PKD1: variants seen among roughly 807,000 people sequenced by gnomAD.
The protein encoded by PKD1 is polycystin 1, transient receptor potential channel interacting.
In PKD1, 81 loss-of-function variants were observed where a neutral mutation model predicts 361.7. The ratio of observed to expected loss-of-function variants is 0.22; its 90% CI spans 0.19 to 0.27. The LOEUF is 0.27. Ranked by LOEUF, PKD1 falls within the 10% of genes least tolerant of loss-of-function variation. The pLI is 1.00. For missense variants in PKD1, 6,399 were observed against 6,118.3 expected, an observed-to-expected ratio of 1.05 and a Z score of -1.53; for synonymous variants, 3,615 against 2,818.3, an observed-to-expected ratio of 1.28 and a Z score of -8.95.
intron 1 of PKD1, among the ~76,000 whole-genome samples, chr16:2,133,818 T>C (rs2575306): frequency 7.3e-5 from 11 of 151,640 alleles, no homozygotes; most frequent in African/African-American, 9.7e-5. Context: ...GGCCACCAAC[T>C]CCCAGGGTCC....
At chr16:2,093,401 G>C (rs2091691792) in intron 37 of PKD1, 143 bp downstream of exon 37, 1 of 833,446 alleles carries the variant, frequency 1.2e-6, no homozygotes, top group Non-Finnish European at 1.9e-6. Context: ...GTAGGAGGGA[G>C]ACCGGGCAAA....
chr16:2,130,158 GT>G (rs887744456), intron 1 of PKD1, among the ~76,000 whole-genome samples: 24 of 152,236 alleles, frequency 1.6e-4, no homozygotes, highest in African/African-American at 5.5e-4. Context: ...ACGCAGGCAC[GT>G]TCTGAACGCC....
rs1412987713 is a variant in PKD1 at position 2,114,185 on chromosome 16, C to T, written c.2838G>A (p.Leu946=). Residue 946 remains leucine (L), a synonymous_variant, in exon 11 of 46, where the codon CTG becomes CTA. Transcript: ENST00000262304. ...RATPSPEARV[L]QGVLVRYSPV... ...CCATACTCACCACTAGGACTCCCTG[C>T]AGTACACGGGCCTCGGGGCTGGGCG... 6 of 1,607,126 alleles carry T rather than the reference C, an allele frequency of 3.7e-6. No individual in the cohort carries two copies. In the African/African-American group the frequency reaches 6.7e-5, roughly 18 times the overall value.
Position 2,089,424 on chromosome 16 carries a change from T to TG in PKD1, c.*302dup, listed in dbSNP as rs1314572263. On this transcript the variant is annotated 3_prime_UTR_variant, in exon 46 of 46. Transcript: ENST00000262304. ...CAGTGGGGGACATCTGCCCAGGGGGTGGGGCCGGGCACAGCCCGCTGTACC... is the reference window on the plus strand; with the variant it reads ...CAGTGGGGGACATCTGCCCAGGGGGTGGGGGCCGGGCACAGCCCGCTGTACC... 2.1e-6 allele frequency: 1 copy of TG among 467,208 alleles called. No homozygotes were observed. The highest frequency in any genetic ancestry group is 3.9e-6 in the Non-Finnish European group (1 of 257,534). 28.9% of individuals were successfully genotyped at this position (467,208 alleles called of 1,614,324 possible).
At position 2,102,964 on chromosome 16, in the gene PKD1, T is replaced by C. The variant is rs1419162559; in HGVS notation, c.8798A>G (p.Tyr2933Cys). 4 of 1,604,744 alleles carry C rather than the reference T, an allele frequency of 2.5e-6. No individual in the cohort carries two copies. Among genetic ancestry groups the C allele is most frequent in the Non-Finnish European group, 3.4e-6 (4 of 1,179,698 alleles). ...QLNYTLLDGH[Y>C]LSEEPEPYLA... Reference sequence around the variant, plus strand: ...GTAGGGCTCAGGTTCCTCAGACAGGTAGTGGCCTGGGGCAGAACGCGCAGG... The same window carrying C: ...GTAGGGCTCAGGTTCCTCAGACAGGCAGTGGCCTGGGGCAGAACGCGCAGG... Residue 2933 changes from tyrosine (Y) to cysteine (C), a missense_variant, in exon 24 of 46, where the codon TAC becomes TGC. By Grantham distance (194) the Tyr-to-Cys change is radical. Coordinates refer to ENST00000262304, the MANE Select transcript of PKD1 (RefSeq NM_001009944.3).
At chr16:2,105,237 G>C in intron 21 of PKD1, 85 bp downstream of exon 21, 1 of 1,394,692 alleles carries the variant, frequency 7.2e-7, no homozygotes, top group Admixed American at 1.9e-5. Flanking sequence ...CAGCTCCTCG[G>C]CCAAGCTGCC....
At position 2,108,769 on chromosome 16, in the gene PKD1, A is replaced by C. The variant is rs1269832767; in HGVS notation, c.6398T>G (p.Phe2133Cys). The C allele has an allele frequency of 6.4e-7, 1 of 1,572,152 alleles. No individual in the cohort carries two copies. The highest frequency in any genetic ancestry group is 1.2e-5 in the South Asian group (1 of 86,414). ...GACGGTCACCGTGGCCTGCGCCACG[A>C]AGAAGCTCACCAGGTTGGAGGCGTT... ...QVNASNLVSF[F>C]VAQATVTVQV... Residue 2133 changes from phenylalanine to cysteine, a missense_variant, in exon 15 of 46, where the codon TTC becomes TGC. Coordinates refer to ENST00000262304, the MANE Select transcript of PKD1 (RefSeq NM_001009944.3).
chr16:2,091,340 T>A (rs1397966085), intron 42 of PKD1, 83 bp downstream of exon 42: 2 of 453,220 alleles, frequency 4.4e-6, no homozygotes, highest in Admixed American at 2.4e-4. Context: ...CTGCGAGGGG[T>A]GAGACGCTGC....
In PKD1 at chr16:2,108,817, G is replaced by T. The variant is rs1473852769; in HGVS notation, c.6350C>A (p.Pro2117His). Residue 2117 changes from proline (P) to histidine (H), a missense_variant, in exon 15 of 46, where the codon CCT (proline) becomes CAT (histidine). By Grantham distance (77) the Pro-to-His change is moderately conservative. Coordinates refer to ENST00000262304, the MANE Select transcript of PKD1 (RefSeq NM_001009944.3). ...EPRAEHSYLR[P>H]GDYRVQVNAS... ...GTTCACCTGCACGCGGTAGTCCCCA[G>T]GCCTCAGGTAGGAGTGCTCGGCCCT... The T allele has an allele frequency of 1.3e-6, 2 of 1,569,288 alleles. No homozygotes were observed. The highest frequency in any genetic ancestry group is 1.7e-6 in the Non-Finnish European group (2 of 1,158,468).
At position 2,090,403 on chromosome 16, in the gene PKD1, C is replaced by T. The variant is rs1263418410; in HGVS notation, c.12326G>A (p.Arg4109His). 3 of 1,612,654 alleles carry T rather than the reference C, an allele frequency of 1.9e-6. No individual in the cohort carries two copies. The highest frequency in any genetic ancestry group is 3.3e-5 in the Admixed American group (2 of 60,018). Residue 4109 changes from arginine (R) to histidine (H), a missense_variant, in exon 45 of 46, where the codon CGC becomes CAC. Transcript: ENST00000262304. ...CAGCTCTCCACGCAAGGCGTGGTAGCGCCAGCGGAGAATAACAGCCCCCAG... is the reference window on the plus strand; with the variant it reads ...CAGCTCTCCACGCAAGGCGTGGTAGTGCCAGCGGAGAATAACAGCCCCCAG... ...LRLGAVILRW[R>H]YHALRGELYR...
At chr16:2,117,362 G>T in intron 6 of PKD1, 127 bp downstream of exon 6, 1 of 697,568 alleles carries the variant, frequency 1.4e-6, no homozygotes, top group Non-Finnish European at 2.4e-6. Flanking sequence ...ACCGGCCGGC[G>T]CCACCTGCTC....
At chr16:2,133,274 C>A (rs1470443667) in intron 1 of PKD1, 1 of 147,720 alleles carries the variant, frequency 6.8e-6, no homozygotes, top group African/African-American at 2.6e-5. Flanking sequence ...CACCACCTCT[C>A]GGCAGCATCA....
At chr16:2,091,981 G>C (rs2091607382) in intron 40 of PKD1, 66 bp downstream of exon 40, 2 of 1,612,104 alleles carry the variant, frequency 1.2e-6, no homozygotes, top group East Asian at 2.2e-5. Context: ...TCAGGAGGCC[G>C]CGGCACTCCT....
intron 1 of PKD1, among the ~76,000 whole-genome samples, chr16:2,120,632 G>A (rs2151829097): frequency 6.6e-6 from 1 of 152,342 alleles, no homozygotes; most frequent in East Asian, 1.9e-4. Context: ...AGCCAGGGAA[G>A]TCGAGGCTGC....
chr16:2,124,859 C>T (rs1159208654), intron 1 of PKD1, among the ~76,000 whole-genome samples: 8 of 152,190 alleles, frequency 5.3e-5, no homozygotes, highest in African/African-American at 1.9e-4. Context: ...TCGGCAGGGG[C>T]AGGACAGGAC....
At chr16:2,107,055 C>G in intron 16 of PKD1, 107 bp from the exon 17 acceptor site, 1 of 1,049,010 alleles carries the variant, frequency 9.5e-7, no homozygotes, top group South Asian at 1.3e-5. Context: ...TCCCAGGGGC[C>G]TGGCCACTGC....
At position 2,114,404 on chromosome 16, in the gene PKD1, G is replaced by C; in HGVS notation, c.2619C>G (p.Val873=). The C allele has an allele frequency of 2.5e-6, 4 of 1,606,168 alleles. No individual in the cohort carries two copies. Among genetic ancestry groups the C allele is most frequent in the Non-Finnish European group, 3.4e-6 (4 of 1,179,652 alleles). Residue 873 remains valine (V), a synonymous_variant, in exon 11 of 46, where the codon GTC becomes GTG. Coordinates refer to ENST00000262304, the MANE Select transcript of PKD1 (RefSeq NM_001009944.3). ...CGAAGGTGGCCACCAGGGCAGGGCA[G>C]ACATTCTCAAAGCGGGCGCTGACAC... ...GGSVSARFEN[V]CPALVATFVP... is the part of the protein sequence containing the mutation.
At chr16:2,129,541 ATTTTTTTTTTTTTTTTTT>A (rs71148122) in intron 1 of PKD1, among the ~76,000 whole-genome samples, 1 of 72,098 alleles carries the variant, frequency 1.4e-5, no homozygotes, top group African/African-American at 7.3e-5. Context: ...AGATCCTGTG[ATTTTTTTTTTTTTTTTTT>A]TTTTTTTTTG....
intron 1 of PKD1, among the ~76,000 whole-genome samples, chr16:2,132,271 T>C (rs1364359565): frequency 2.2e-5 from 3 of 137,190 alleles, no homozygotes; most frequent in Admixed American, 7.4e-5. Flanking sequence ...AAAAAGTATA[T>C]ATTTTTAAAA....
Sources: gnomAD v4.1 joint callset for allele counts (sites outside exome capture counted in the v4.1 genomes callset) on GRCh38, gnomAD v4.1.1 for gene constraint, MANE v1.5 for transcripts, NCBI Gene and HGNC (gene_info 2026-07-23, HGNC 2026-07-21) for gene names.